The following NOX3 variants were observed in gnomAD, a reference collection of about 807,000 sequenced individuals.
NOX3 encodes the protein NADPH oxidase catalytic subunit-like 3.
In NOX3, 74 loss-of-function variants were observed where a neutral mutation model predicts 76.7. The observed-to-expected ratio is 0.96, with a 90% CI of 0.80 to 1.17. NOX3 has a LOEUF of 1.17. Among genes scored for constraint, NOX3 ranks in the 50% most tolerant of loss-of-function variants. The pLI, the probability that NOX3 is intolerant of heterozygous loss-of-function variation, is 0.00. For missense variants in NOX3, 695 were observed against 703.3 expected, an observed-to-expected ratio of 0.99 and a Z score of 0.13; for synonymous variants, 263 against 261.1, an observed-to-expected ratio of 1.01 and a Z score of -0.07.
chr6:155,410,933 G>GA (rs1184214580), intron 11 of NOX3, among the ~76,000 whole-genome samples: 4 of 152,192 alleles, frequency 2.6e-5, no homozygotes. Flanking sequence ...AGGGACAAAT[G>GA]CAAATTTGTT....
chr6:155,422,929 C>T, intron 9 of NOX3, 73 bp from the exon 10 acceptor site: 2 of 1,515,796 alleles, frequency 1.3e-6, no homozygotes, highest in Non-Finnish European at 9.1e-7. Context: ...CCATCCGGAG[C>T]TGGTGCTTTT....
intron 8 of NOX3, among the ~76,000 whole-genome samples, chr6:155,430,492 C>T (rs558389876): frequency 6.6e-6 from 1 of 151,898 alleles, no homozygotes. Context: ...TGTGCCTTTA[C>T]GTGGTGAAGA....
chr6:155,403,416 A>G (rs1184404958), intron 12 of NOX3, among the ~76,000 whole-genome samples: 1 of 152,142 alleles, frequency 6.6e-6, no homozygotes, highest in Non-Finnish European at 1.5e-5. Context: ...GCTATATAAC[A>G]AGTTACCATG....
chr6:155,428,785 G>T lies in NOX3; in HGVS notation c.1145+9C>A. On this transcript the variant is annotated intron_variant, in intron 9 of 13. Coordinates refer to ENST00000159060, the MANE Select transcript of NOX3 (RefSeq NM_015718.3). ...CTGCAATTTATACATGAGAGAAATG[G>T]GCACGAACCTTGGCAGGCTCCAGGG... 6.8e-7 allele frequency: 1 copy of T among 1,473,638 alleles called. No individual in the cohort carries two copies. The highest frequency in any genetic ancestry group is 2.4e-5 in the East Asian group (1 of 42,230). The allele number at this position is 1,473,638 out of a possible 1,614,324, so 91.3% of individuals were successfully genotyped here.
chr6:155,413,151 A>T (rs1304842065), intron 10 of NOX3, among the ~76,000 whole-genome samples: 2 of 152,088 alleles, frequency 1.3e-5, no homozygotes, highest in African/African-American at 4.8e-5. Flanking sequence ...ATTCGTGGAG[A>T]TTCATGTCCC....
intron 8 of NOX3, 61 bp downstream of exon 8, chr6:155,430,782 G>T: frequency 9.1e-7 from 1 of 1,104,428 alleles, no homozygotes; most frequent in Non-Finnish European, 1.4e-6. Flanking sequence ...AAAAATTTGG[G>T]CTAATAAAAA....
At chr6:155,436,607 G>T in intron 6 of NOX3, 60 bp from the exon 7 acceptor site, 1 of 1,594,806 alleles carries the variant, frequency 6.3e-7, no homozygotes. Context: ...CTGATTTTGA[G>T]CAGTCTTGTT....
At chr6:155,437,241 G>C (rs1162465317) in intron 6 of NOX3, among the ~76,000 whole-genome samples, 1 of 152,176 alleles carries the variant, frequency 6.6e-6, no homozygotes, top group Admixed American at 6.5e-5. Context: ...TTTGGTACAA[G>C]CTCCTAGGGT....
At chr6:155,436,750 C>T (rs113311887) in intron 6 of NOX3, among the ~76,000 whole-genome samples, 62 of 152,210 alleles carry the variant, frequency 4.1e-4, no homozygotes, top group African/African-American at 1.4e-3. Flanking sequence ...TTGAAGATCC[C>T]AGAAAAGAAG....
chr6:155,439,570 G>A (rs1776954093), intron 6 of NOX3, among the ~76,000 whole-genome samples: 1 of 152,162 alleles, frequency 6.6e-6, no homozygotes, highest in Non-Finnish European at 1.5e-5. Flanking sequence ...GGGTTTCCTA[G>A]TTGACGGTTT....
In NOX3 at chr6:155,426,176, C is replaced by T. The variant is rs77803626; in HGVS notation, c.1145+2618G>A. On this transcript the variant is annotated intron_variant, in intron 9 of 13. Transcript: ENST00000159060. ...AAGGCTTTGCCACTAATACATATGC[C>T]TACACACATACAGAGGCAGAGGGCG... is the stretch of plus-strand genomic sequence containing the variant. 2.0e-4 allele frequency among the ~76,000 whole-genome samples: 30 copies of T among 152,280 alleles called. 1 individual carries two copies. Among genetic ancestry groups the T allele is most frequent in the Middle Eastern group, 3.4e-3 (1 of 294 alleles).
At chr6:155,435,426 A>G (rs544763848) in intron 7 of NOX3, among the ~76,000 whole-genome samples, 2 of 152,270 alleles carry the variant, frequency 1.3e-5, no homozygotes, top group South Asian at 4.2e-4. Context: ...AAAGAACCAC[A>G]GTCTAATGGG....
intron 11 of NOX3, among the ~76,000 whole-genome samples, chr6:155,408,679 A>G (rs924700185): frequency 6.6e-6 from 1 of 152,192 alleles, no homozygotes; most frequent in Non-Finnish European, 1.5e-5. Flanking sequence ...AGTACTCACA[A>G]TAGCAAAATC....
At chr6:155,403,946 C>T (rs1441741663) in intron 12 of NOX3, among the ~76,000 whole-genome samples, 2 of 151,700 alleles carry the variant, frequency 1.3e-5, no homozygotes, top group African/African-American at 4.8e-5. Flanking sequence ...AAATAATAAA[C>T]AAACAAACAC....
At chr6:155,449,489 G>A (rs958768246) in intron 4 of NOX3, among the ~76,000 whole-genome samples, 14 of 152,176 alleles carry the variant, frequency 9.2e-5, no homozygotes, top group Non-Finnish European at 1.9e-4. Flanking sequence ...ATAGGTCCCT[G>A]AAAATGATTT....
Position 155,407,159 on chromosome 6 carries a change from C to G in NOX3, c.1551G>C (p.Glu517Asp), listed in dbSNP as rs750911296. 9 of 1,614,032 alleles carry G rather than the reference C, an allele frequency of 5.6e-6. No homozygotes were observed. Among genetic ancestry groups the G allele is most frequent in the Non-Finnish European group, 7.6e-6 (9 of 1,179,966 alleles). The change falls in exon 12 of 14, where the codon GAG (glutamate) becomes GAC (aspartate). Residue 517 changes from glutamate to aspartate, a missense_variant. Physicochemically the swap from Glu to Asp is conservative, Grantham distance 45. Coordinates refer to ENST00000159060, the MANE Select transcript of NOX3 (RefSeq NM_015718.3). ...TFYGRPNWNN[E>D]FKQIAYNHPS... is the part of the protein sequence containing the mutation. ...GGTGATTGTAGGCAATCTGCTTGAA[C>G]TCATTGTTCCAGTTGGGCCTCCCAT...
chr6:155,414,074 TG>T (rs1380232808), intron 10 of NOX3, among the ~76,000 whole-genome samples: 1 of 152,194 alleles, frequency 6.6e-6, no homozygotes, highest in Non-Finnish European at 1.5e-5. Flanking sequence ...GTAATGGCTT[TG>T]TGTGTTTTTC....
chr6:155,451,649 G>A (rs995409941), intron 4 of NOX3, among the ~76,000 whole-genome samples: 7 of 151,478 alleles, frequency 4.6e-5, no homozygotes, highest in Non-Finnish European at 1.0e-4. Flanking sequence ...TTTTGAGATG[G>A]GGTCTCACTG....
intron 10 of NOX3, among the ~76,000 whole-genome samples, chr6:155,412,423 C>T (rs17086266): frequency 0.2 from 31,046 of 152,030 alleles, 3,415 homozygotes; most frequent in African/African-American, 0.28. Flanking sequence ...TGTCTATTCT[C>T]TTCATGTTTA....
Sources: allele counts gnomAD v4.1 joint callset (sites outside exome capture counted in the v4.1 genomes callset), GRCh38; gene constraint gnomAD v4.1.1; transcripts MANE v1.5; gene names NCBI Gene and HGNC (gene_info 2026-07-23, HGNC 2026-07-21).